The following TENM1 variants were observed in gnomAD, a reference collection of about 807,000 sequenced individuals.
The protein encoded by TENM1 is teneurin transmembrane protein 1, also known as teneurin-1.
TENM1 carries 35 observed loss-of-function variants against 174.8 expected under a neutral mutation model. That is an observed-to-expected ratio of 0.20 (90% CI 0.15 to 0.27). The LOEUF (loss-of-function observed/expected upper bound fraction) is 0.27. TENM1 is among the 10% of genes least tolerant of loss of function. The probability of loss-of-function intolerance (pLI) is 1.00; values close to 1 mark genes in which losing one functional copy is unlikely to be tolerated. For synonymous variants in TENM1, 781 were observed against 798.7 expected (o/e 0.98, Z 0.37); for missense variants, 1,633 against 2,130.1 (o/e 0.77, Z 4.59).
At chrX:124,377,927 T>C (rs1176072592) in exon 32 of TENM1, 1 of 112,130 alleles carries the variant, frequency 8.9e-6, no homozygotes, top group Non-Finnish European at 1.9e-5. Flanking sequence ...ATACTCAATA[T>C]CTCCATCTTC....
At chrX:125,089,614 G>C in the TENM1 span, among the ~76,000 whole-genome samples, 1 of 111,853 alleles carries the variant, frequency 8.9e-6, no homozygotes. Context: ...ATGTCTCTTA[G>C]TTGGTGGCTG....
chrX:124,481,163 A>G (rs1218100106), intron 22 of TENM1, among the ~76,000 whole-genome samples: 1 of 112,589 alleles, frequency 8.9e-6, no homozygotes, highest in Non-Finnish European at 1.9e-5. Context: ...AACTGAAAAT[A>G]TAAGTAATTT....
At chrX:124,452,691 T>G (rs1357918403) in intron 23 of TENM1, among the ~76,000 whole-genome samples, 1 of 110,623 alleles carries the variant, frequency 9.0e-6, no homozygotes, top group Non-Finnish European at 1.9e-5. Context: ...TATGCAGCCA[T>G]AAAAATGAGT....
At chrX:125,148,233 T>C in the TENM1 span, among the ~76,000 whole-genome samples, 1 of 110,769 alleles carries the variant, frequency 9.0e-6, no homozygotes, top group Non-Finnish European at 1.9e-5. Flanking sequence ...CAATCTCCTT[T>C]GCTCTCTCTT....
Position 124,902,602 on chromosome X carries a change from A to C in TENM1, c.218-6361T>G, listed in dbSNP as rs112541541. On this transcript the variant is annotated intron_variant, in intron 1 of 31. Transcript: ENST00000422452. Reference sequence around the variant, plus strand: ...CAGAGACAAAGAAGTAAGTAACACCAGATAAGAGGCAAATAATTTTCACTA... The same window carrying C: ...CAGAGACAAAGAAGTAAGTAACACCCGATAAGAGGCAAATAATTTTCACTA... Among the ~76,000 whole-genome samples the C allele has an allele frequency of 9.1e-3, 1,026 of 112,534 alleles. 6 individuals are homozygous for C. Among genetic ancestry groups the C allele is most frequent in the Non-Finnish European group, 0.014 (769 of 53,231 alleles).
intron 23 of TENM1, among the ~76,000 whole-genome samples, chrX:124,435,136 G>T (rs756579424): frequency 4.2e-4 from 47 of 111,378 alleles, no homozygotes; most frequent in Non-Finnish European, 6.8e-4. Flanking sequence ...GACCTCTGCT[G>T]GTCTTAACAC....
the TENM1 span, among the ~76,000 whole-genome samples, chrX:125,187,216 C>T: frequency 1.8e-5 from 2 of 112,278 alleles, no homozygotes; most frequent in Admixed American, 9.4e-5. Context: ...GCTGAGATTG[C>T]GCTGTTGCAC....
intron 11 of TENM1, among the ~76,000 whole-genome samples, chrX:124,612,143 T>G (rs1396348362): frequency 9.0e-6 from 1 of 111,712 alleles, no homozygotes; most frequent in Non-Finnish European, 1.9e-5. Flanking sequence ...AAAATATATG[T>G]GTATTTCAGG....
chrX:124,996,549 CCACACACACA>C, the TENM1 span, among the ~76,000 whole-genome samples: 3 of 96,146 alleles, frequency 3.1e-5, no homozygotes, highest in East Asian at 6.3e-4. Flanking sequence ...AAAAAAAAAA[CCACACACACA>C]CACACACACA....
chrX:124,400,760 C>T (rs1279099336), intron 27 of TENM1, among the ~76,000 whole-genome samples: 2 of 111,901 alleles, frequency 1.8e-5, no homozygotes, highest in East Asian at 5.6e-4. Flanking sequence ...GTTCCTAAAC[C>T]AGTATGCTTT....
At chrX:124,592,756 G>GTT (rs35171520) in intron 11 of TENM1, among the ~76,000 whole-genome samples, 1 of 78,781 alleles carries the variant, frequency 1.3e-5, no homozygotes. Context: ...AGGCCTTACT[G>GTT]TTTTTTTTTT....
the TENM1 span, among the ~76,000 whole-genome samples, chrX:125,106,109 A>T: frequency 1.8e-5 from 2 of 111,711 alleles, no homozygotes; most frequent in African/African-American, 6.5e-5. Flanking sequence ...CTCAGGTTTC[A>T]GCTCAAATGT....
intron 27 of TENM1, among the ~76,000 whole-genome samples, chrX:124,395,687 G>A (rs2060325214): frequency 8.9e-6 from 1 of 111,760 alleles, no homozygotes; most frequent in African/African-American, 3.3e-5. Context: ...GATAAGAAAA[G>A]CGCATATTTC....
the TENM1 span, among the ~76,000 whole-genome samples, chrX:125,161,601 A>C: frequency 1.8e-5 from 2 of 111,961 alleles, no homozygotes; most frequent in Non-Finnish European, 3.8e-5. Context: ...CCATAGAGAC[A>C]AAAAGTACAC....
In TENM1 at chrX:124,383,621, A is replaced by G; in HGVS notation, c.7297+13T>C. On this transcript the variant is annotated intron_variant, in intron 30 of 31. Coordinates refer to ENST00000422452, the Ensembl canonical transcript of TENM1. ...ACTCAAGTTTAGCTTAAAGTTTTAA[A>G]TAGTTTAAATACCTGTGGTATACTT... 8.4e-7 allele frequency: 1 copy of G among 1,189,144 alleles called. No individual in the cohort carries two copies.
intron 3 of TENM1, among the ~76,000 whole-genome samples, chrX:124,828,670 T>C (rs1173138500): frequency 2.7e-5 from 3 of 112,162 alleles, no homozygotes; most frequent in African/African-American, 9.7e-5. Context: ...AATTTCTTTT[T>C]AGCACTGTAC....
intron 5 of TENM1, among the ~76,000 whole-genome samples, chrX:124,682,465 T>C (rs907042477): frequency 2.7e-5 from 3 of 111,448 alleles, no homozygotes; most frequent in African/African-American, 9.8e-5. Flanking sequence ...TGATGGATTC[T>C]ACTCTATCAA....
intron 4 of TENM1, among the ~76,000 whole-genome samples, chrX:124,715,619 CCTTTT>C (rs762055908): frequency 3.8e-5 from 4 of 104,718 alleles, no homozygotes; most frequent in Non-Finnish European, 5.9e-5. Flanking sequence ...CTTTTTTTTT[CCTTTT>C]CTTTTCTTTT....
intron 6 of TENM1, among the ~76,000 whole-genome samples, chrX:124,658,463 CT>C: frequency 9.0e-6 from 1 of 111,416 alleles, no homozygotes; most frequent in East Asian, 2.8e-4. Context: ...AAACGTACAA[CT>C]TTTTTTATTA....
Sources: gnomAD v4.1 joint callset for allele counts (sites outside exome capture counted in the v4.1 genomes callset) on GRCh38, gnomAD v4.1.1 for gene constraint, MANE v1.5 for transcripts, NCBI Gene and HGNC (gene_info 2026-07-23, HGNC 2026-07-21) for gene names.